Variants in NKAIN2 observed in about 807,000 individuals in gnomAD.
NKAIN2 encodes the protein sodium/potassium transporting ATPase interacting 2.
A neutral mutation model predicts 32.6 loss-of-function variants in NKAIN2; 14 were observed. The observed-to-expected ratio is 0.43, with a 90% CI of 0.28 to 0.67. NKAIN2 has a LOEUF of 0.67. Ranked by LOEUF, NKAIN2 falls within the 30% of genes least tolerant of loss-of-function variation. The pLI, the probability that NKAIN2 is intolerant of heterozygous loss-of-function variation, is 0.17. For missense variants in NKAIN2, 198 were observed against 258.3 expected, an observed-to-expected ratio of 0.77 and a Z score of 1.60; for synonymous variants, 80 against 87.2, an observed-to-expected ratio of 0.92 and a Z score of 0.46.
At chr6:124,644,617 G>T (rs1455819690) in intron 3 of NKAIN2, among the ~76,000 whole-genome samples, 1 of 152,130 alleles carries the variant, frequency 6.6e-6, no homozygotes, top group Non-Finnish European at 1.5e-5. Flanking sequence ...TGTTAGCCAG[G>T]ATGGTCTTGA....
chr6:124,405,862 A>G (rs1021216234), intron 3 of NKAIN2, among the ~76,000 whole-genome samples: 1 of 152,242 alleles, frequency 6.6e-6, no homozygotes, highest in Admixed American at 6.5e-5. Context: ...AAAAGAATTC[A>G]GTAACACTAC....
chr6:124,426,050 C>T (rs1774968154), intron 3 of NKAIN2, among the ~76,000 whole-genome samples: 4 of 152,182 alleles, frequency 2.6e-5, no homozygotes, highest in Admixed American at 2.6e-4. Flanking sequence ...GTAATAAACA[C>T]TTATGACCTT....
chr6:124,224,454 A>G (rs1792003388), intron 1 of NKAIN2, among the ~76,000 whole-genome samples: 1 of 152,144 alleles, frequency 6.6e-6, no homozygotes, highest in Non-Finnish European at 1.5e-5. Context: ...TCTAAGAATT[A>G]GATGATTTCC....
chr6:124,132,672 T>C, intron 1 of NKAIN2, among the ~76,000 whole-genome samples: 1 of 152,166 alleles, frequency 6.6e-6, no homozygotes, highest in East Asian at 1.9e-4. Context: ...ACAATAAACC[T>C]AGCTACAACC....
chr6:124,104,184 A>G (rs1238936157), intron 1 of NKAIN2, among the ~76,000 whole-genome samples: 6 of 152,224 alleles, frequency 3.9e-5, no homozygotes, highest in Non-Finnish European at 8.8e-5. Context: ...AGACATAGCA[A>G]TATGAAACGG....
intron 3 of NKAIN2, among the ~76,000 whole-genome samples, chr6:124,411,839 C>T (rs536750846): frequency 1.1e-4 from 17 of 152,306 alleles, no homozygotes; most frequent in Non-Finnish European, 1.8e-4. Context: ...TGGATTTGGT[C>T]TTTTCACGTA....
chr6:124,355,421 A>C, intron 3 of NKAIN2, 74 bp downstream of exon 3: 1 of 795,826 alleles, frequency 1.3e-6, no homozygotes, highest in East Asian at 2.5e-5. Context: ...GCAGAGTCTC[A>C]TCCTGTTCTG....
intron 1 of NKAIN2, among the ~76,000 whole-genome samples, chr6:123,829,633 G>A (rs1210726439): frequency 6.6e-6 from 1 of 152,110 alleles, no homozygotes; most frequent in African/African-American, 2.4e-5. Context: ...CATTAGTGAG[G>A]ACCAACCACA....
intron 1 of NKAIN2, among the ~76,000 whole-genome samples, chr6:123,819,787 A>G (rs1402225470): frequency 2.0e-5 from 3 of 152,196 alleles, no homozygotes; most frequent in Non-Finnish European, 2.9e-5. Flanking sequence ...CCAGTCCCCA[A>G]ATTAACTCTT....
At chr6:124,124,374 C>A (rs1367731769) in intron 1 of NKAIN2, among the ~76,000 whole-genome samples, 2 of 151,970 alleles carry the variant, frequency 1.3e-5, no homozygotes, top group Non-Finnish European at 2.9e-5. Flanking sequence ...TTAAACACAG[C>A]ATTAATGGGA....
chr6:124,407,648 A>G (rs1773927586), intron 3 of NKAIN2, among the ~76,000 whole-genome samples: 1 of 152,000 alleles, frequency 6.6e-6, no homozygotes, highest in Admixed American at 6.6e-5. Flanking sequence ...TAGTGCCGCA[A>G]TAAACATACG....
intron 3 of NKAIN2, among the ~76,000 whole-genome samples, chr6:124,503,697 G>A (rs1227894359): frequency 2.0e-5 from 3 of 152,050 alleles, no homozygotes; most frequent in Non-Finnish European, 4.4e-5. Flanking sequence ...CACTCTCTGA[G>A]GTGCTGAAGG....
rs1004265117 is a variant in NKAIN2, at chr6:123,939,313, G to A, written c.54+135059G>A. Among the ~76,000 whole-genome samples the A allele has an allele frequency of 9.9e-5, 15 of 151,956 alleles. No homozygotes were observed. The South Asian group carries it at 1.9e-3, about 19-fold the overall frequency. On this transcript the variant is annotated intron_variant, in intron 1 of 6. Transcript: ENST00000368417. ...ATATACATACCAAGTGTTAGTCTGC[G>A]CAGGTAAACTAATGCCTTACCCCGC... is the stretch of plus-strand genomic sequence containing the variant.
chr6:124,320,769 A>G (rs9491120), intron 2 of NKAIN2, among the ~76,000 whole-genome samples: 4,172 of 152,314 alleles, frequency 0.027, 181 homozygotes, highest in African/African-American at 0.095. Flanking sequence ...CTTGAAGTAT[A>G]ATGACTGCCT....
chr6:123,929,339 C>T (rs927061315), intron 1 of NKAIN2, among the ~76,000 whole-genome samples: 1 of 151,992 alleles, frequency 6.6e-6, no homozygotes, highest in African/African-American at 2.4e-5. Context: ...ACTCAACCTC[C>T]CTGAGTCTCT....
intron 3 of NKAIN2, among the ~76,000 whole-genome samples, chr6:124,456,331 C>A (rs1389529040): frequency 6.6e-6 from 1 of 151,662 alleles, no homozygotes; most frequent in African/African-American, 2.4e-5. Flanking sequence ...AAACGACATA[C>A]CTAACTATAC....
chr6:123,831,113 G>T (rs1430444664), intron 1 of NKAIN2, among the ~76,000 whole-genome samples: 6 of 152,102 alleles, frequency 3.9e-5, no homozygotes, highest in Non-Finnish European at 7.4e-5. Context: ...ATCTTTCCAT[G>T]CTTGAAACTT....
At chr6:124,436,944 C>T (rs1487904779) in intron 3 of NKAIN2, among the ~76,000 whole-genome samples, 3 of 152,130 alleles carry the variant, frequency 2.0e-5, no homozygotes, top group Admixed American at 6.6e-5. Flanking sequence ...CACCTCTCTT[C>T]GCTCTGCTTT....
intron 3 of NKAIN2, among the ~76,000 whole-genome samples, chr6:124,577,930 C>G (rs1338152600): frequency 6.6e-6 from 1 of 152,150 alleles, no homozygotes; most frequent in African/African-American, 2.4e-5. Flanking sequence ...GCCGTACCTT[C>G]TAGACAACAT....
Sources: gnomAD v4.1 joint callset for allele counts (sites outside exome capture counted in the v4.1 genomes callset) on GRCh38, gnomAD v4.1.1 for gene constraint, MANE v1.5 for transcripts, NCBI Gene and HGNC (gene_info 2026-07-23, HGNC 2026-07-21) for gene names.